Variants in CADM2 observed in about 807,000 individuals in gnomAD.
The protein encoded by CADM2 is immunoglobulin superfamily member 4D.
A neutral mutation model predicts 49.8 loss-of-function variants in CADM2; 12 were observed. The observed-to-expected ratio is 0.24, with a 90% confidence interval of 0.15 to 0.39. CADM2 has a LOEUF of 0.39. Ranked by LOEUF, CADM2 falls within the 10% of genes least tolerant of loss-of-function variation. The probability of loss-of-function intolerance (pLI) is 1.00; values close to 1 mark genes in which losing one functional copy is unlikely to be tolerated. For synonymous variants in CADM2, 214 were observed against 175.4 expected (o/e 1.22, Z -1.74); for missense variants, 378 against 492.3 (o/e 0.77, Z 2.20).
intron 1 of CADM2, among the ~76,000 whole-genome samples, chr3:85,573,058 T>C (rs1367280432): frequency 1.3e-5 from 2 of 152,164 alleles, no homozygotes; most frequent in Non-Finnish European, 2.9e-5. Context: ...ACAGAAAATA[T>C]CTTATTGTTA....
intron 1 of CADM2, among the ~76,000 whole-genome samples, chr3:85,568,464 TC>T (rs1559916028): frequency 0.079 from 635 of 8,006 alleles, 21 homozygotes; most frequent in East Asian, 0.2. Flanking sequence ...TCTTTCTTTC[TC>T]TTTCTCTCTC....
intron 1 of CADM2, among the ~76,000 whole-genome samples, chr3:85,651,737 A>T (rs1478350227): frequency 6.6e-6 from 1 of 151,774 alleles, no homozygotes; most frequent in East Asian, 1.9e-4. Context: ...TGCTTTCCAA[A>T]CTCTGACTAC....
rs1407553140 is a variant in CADM2, at chr3:86,021,187, A to T, written c.971-44418A>T. 2.0e-5 allele frequency among the ~76,000 whole-genome samples: 3 copies of T among 152,170 alleles called. No homozygotes were observed. The East Asian group carries it at 5.8e-4, about 30-fold the overall frequency. On this transcript the variant is annotated intron_variant, in intron 8 of 9. Coordinates refer to ENST00000383699, the MANE Select transcript of CADM2 (RefSeq NM_001167675.2). The stretch of plus-strand genomic sequence containing the variant: ...GCTAATTTTTGTATTTTTAGTAGAG[A>T]TGAGGTTTTGCCATGTTGGCCAGGC...
At chr3:85,400,078 T>C (rs1043858765) in intron 1 of CADM2, among the ~76,000 whole-genome samples, 23 of 152,174 alleles carry the variant, frequency 1.5e-4, no homozygotes, top group Non-Finnish European at 2.5e-4. Context: ...TGATATTGGC[T>C]GTGGGCTCGT....
intron 1 of CADM2, among the ~76,000 whole-genome samples, chr3:85,678,389 G>C (rs1304365555): frequency 2.0e-5 from 3 of 152,146 alleles, no homozygotes; most frequent in Non-Finnish European, 2.9e-5. Flanking sequence ...TAGAATCCTA[G>C]GCTATATCCA....
intron 1 of CADM2, among the ~76,000 whole-genome samples, chr3:85,516,938 T>G (rs2122236): frequency 0.31 from 46,567 of 151,586 alleles, 8,117 homozygotes; most frequent in East Asian, 0.55. Flanking sequence ...CTTCCTTAAT[T>G]TTTCCAACTG....
At chr3:85,196,484 T>C (rs568225678) in intron 1 of CADM2, among the ~76,000 whole-genome samples, 1 of 152,050 alleles carries the variant, frequency 6.6e-6, no homozygotes, top group African/African-American at 2.4e-5. Flanking sequence ...TTATGACTCA[T>C]CAGGAGAGTA....
intron 3 of CADM2, among the ~76,000 whole-genome samples, chr3:85,808,772 A>G (rs535209742): frequency 6.6e-6 from 1 of 152,346 alleles, no homozygotes; most frequent in Non-Finnish European, 1.5e-5. Flanking sequence ...AAAATTTATT[A>G]AAGACATAGC....
At chr3:85,885,621 G>T (rs1351891315) in intron 4 of CADM2, among the ~76,000 whole-genome samples, 1 of 148,308 alleles carries the variant, frequency 6.7e-6, no homozygotes, top group East Asian at 2.0e-4. Context: ...GGTGGAGGTT[G>T]CAGTGAACAG....
intron 8 of CADM2, among the ~76,000 whole-genome samples, chr3:86,007,261 T>C (rs752301341): frequency 6.6e-6 from 1 of 152,004 alleles, no homozygotes; most frequent in Non-Finnish European, 1.5e-5. Context: ...TCAAAGCAGA[T>C]TTGATAAGGC....
chr3:85,707,856 TCTTA>T (rs1325952566), intron 1 of CADM2, among the ~76,000 whole-genome samples: 2 of 152,200 alleles, frequency 1.3e-5, no homozygotes, highest in Admixed American at 1.3e-4. Flanking sequence ...CACATTTTCC[TCTTA>T]CTTGCCAATA....
chr3:85,363,669 T>A (rs2032524159), intron 1 of CADM2, among the ~76,000 whole-genome samples: 1 of 152,246 alleles, frequency 6.6e-6, no homozygotes, highest in African/African-American at 2.4e-5. Flanking sequence ...TGGAGTGCAG[T>A]GGCTCGATCT....
intron 1 of CADM2, among the ~76,000 whole-genome samples, chr3:85,067,868 T>C (rs914055210): frequency 2.0e-5 from 3 of 152,140 alleles, no homozygotes; most frequent in Non-Finnish European, 4.4e-5. Context: ...ATAAAATATA[T>C]TTGGGTCACC....
chr3:85,224,865 C>A (rs1384770377), intron 1 of CADM2, among the ~76,000 whole-genome samples: 1 of 152,128 alleles, frequency 6.6e-6, no homozygotes, highest in Admixed American at 6.6e-5. Context: ...GGGATCGTTT[C>A]CCCATTGCTT....
chr3:85,411,379 T>C (rs1316291658), intron 1 of CADM2, among the ~76,000 whole-genome samples: 1 of 152,178 alleles, frequency 6.6e-6, no homozygotes, highest in East Asian at 1.9e-4. Flanking sequence ...AAATTTCAAA[T>C]CTTATAACTT....
chr3:85,602,791 T>C (rs184746195), intron 1 of CADM2, among the ~76,000 whole-genome samples: 1 of 151,970 alleles, frequency 6.6e-6, no homozygotes, highest in East Asian at 1.9e-4. Context: ...GGCAGAGGTG[T>C]TCATTCATGT....
chr3:85,889,471 G>A (rs547441723), intron 5 of CADM2, among the ~76,000 whole-genome samples: 1 of 152,288 alleles, frequency 6.6e-6, no homozygotes, highest in East Asian at 1.9e-4. Flanking sequence ...TGTGTTAAAT[G>A]TGTGAATGAT....
At chr3:85,003,792 T>G (rs565427577) in intron 1 of CADM2, among the ~76,000 whole-genome samples, 3 of 152,224 alleles carry the variant, frequency 2.0e-5, no homozygotes, top group Admixed American at 6.6e-5. Context: ...TTTAAAGTAT[T>G]AGTCCTGGAA....
intron 1 of CADM2, among the ~76,000 whole-genome samples, chr3:85,040,956 T>A (rs970671034): frequency 6.6e-6 from 1 of 152,182 alleles, no homozygotes; most frequent in African/African-American, 2.4e-5. Flanking sequence ...AAATACAGTA[T>A]CATATTTTAA....
Sources: gnomAD v4.1 joint callset for allele counts (sites outside exome capture counted in the v4.1 genomes callset) on GRCh38, gnomAD v4.1.1 for gene constraint, MANE v1.5 for transcripts, NCBI Gene and HGNC (gene_info 2026-07-23, HGNC 2026-07-21) for gene names.